Variants in ZBTB17 observed in about 807,000 individuals in gnomAD.
ZBTB17 encodes the protein zinc finger and BTB domain-containing protein 17.
ZBTB17 carries 24 observed loss-of-function variants against 85.1 expected under a neutral mutation model. The ratio of observed to expected loss-of-function variants is 0.28; its 90% confidence interval spans 0.20 to 0.40. The LOEUF (loss-of-function observed/expected upper bound fraction) is 0.40. Ranked by LOEUF, ZBTB17 falls within the 10% of genes least tolerant of loss-of-function variation. The pLI is 1.00. For synonymous variants in ZBTB17, 464 were observed against 460.2 expected, an observed-to-expected ratio of 1.01 and a Z score of -0.11; for missense variants, 743 against 1,105.1, an observed-to-expected ratio of 0.67 and a Z score of 4.65.
intron 2 of ZBTB17, among the ~76,000 whole-genome samples, chr1:15,960,189 G>C (rs541590533): frequency 6.6e-6 from 1 of 152,140 alleles, no homozygotes; most frequent in Non-Finnish European, 1.5e-5. Flanking sequence ...AAATCCAGCC[G>C]AAGCTAGTTA....
At chr1:15,944,240 T>G in intron 9 of ZBTB17, 60 bp downstream of exon 9, 5 of 1,541,878 alleles carry the variant, frequency 3.2e-6, no homozygotes, top group Middle Eastern at 1.7e-4. Flanking sequence ...CCACGTGGCA[T>G]GCATGCGGCT....
intron 2 of ZBTB17, among the ~76,000 whole-genome samples, chr1:15,950,994 A>G (rs2071813163): frequency 1.3e-5 from 2 of 152,158 alleles, no homozygotes; most frequent in South Asian, 4.1e-4. Context: ...ATAATAAAAT[A>G]GTAAAGGCCC....
intron 1 of ZBTB17, among the ~76,000 whole-genome samples, chr1:15,974,572 C>CTT (rs562752690): frequency 2.8e-5 from 4 of 144,948 alleles, no homozygotes; most frequent in African/African-American, 7.6e-5. Flanking sequence ...CTTGCTGCTG[C>CTT]TTTTTTTTTT....
At chr1:15,945,541 C>T (rs1025769581) in intron 6 of ZBTB17, among the ~76,000 whole-genome samples, 174 bp downstream of exon 6, 1 of 152,200 alleles carries the variant, frequency 6.6e-6, no homozygotes, top group Non-Finnish European at 1.5e-5. Flanking sequence ...AACCAAGGAA[C>T]GACCTCGAGA....
chr1:15,949,023 C>A (rs560120835), intron 2 of ZBTB17, among the ~76,000 whole-genome samples: 2 of 152,144 alleles, frequency 1.3e-5, no homozygotes, highest in Non-Finnish European at 2.9e-5. Flanking sequence ...TTGCAGAACT[C>A]GGCCCCTCTC....
At chr1:15,972,372 C>T (rs2072718916) in intron 2 of ZBTB17, among the ~76,000 whole-genome samples, 1 of 152,208 alleles carries the variant, frequency 6.6e-6, no homozygotes, top group Non-Finnish European at 1.5e-5. Flanking sequence ...GGGATCACAC[C>T]CCCAAGAGAG....
intron 2 of ZBTB17, among the ~76,000 whole-genome samples, chr1:15,957,690 A>G (rs1004691126): frequency 3.3e-5 from 5 of 152,172 alleles, no homozygotes; most frequent in African/African-American, 1.2e-4. Context: ...GAGAAGAGAC[A>G]GCAGTGGCCT....
At chr1:15,947,653 T>C (rs561886424) in intron 3 of ZBTB17, among the ~76,000 whole-genome samples, 49 of 152,268 alleles carry the variant, frequency 3.2e-4, no homozygotes, top group African/African-American at 1.2e-3. Flanking sequence ...CCACACCCTC[T>C]TATTTGGCCG....
chr1:15,962,745 C>T (rs960440863), intron 2 of ZBTB17, among the ~76,000 whole-genome samples: 2 of 152,198 alleles, frequency 1.3e-5, no homozygotes, highest in African/African-American at 4.8e-5. Context: ...AACAATCTCT[C>T]TTCCTTATAC....
chr1:15,965,037 C>A lies in ZBTB17; in HGVS notation c.-3+8002G>T, dbSNP rs183134531. On this transcript the variant is annotated intron_variant, in intron 2 of 15. Coordinates refer to ENST00000375743, the MANE Select transcript of ZBTB17 (RefSeq NM_003443.3). ...GCTGAGGCAGGAGAATCGCTTGAAC[C>A]TGGGAGGCGGAGTTTGCAGTGAGCT... Among the ~76,000 whole-genome samples, 490 of 151,726 alleles carry A rather than the reference C, an allele frequency of 3.2e-3. 2 individuals are homozygous for A. Among genetic ancestry groups the A allele is most frequent in the African/African-American group, 0.011 (446 of 41,354 alleles).
Position 15,942,041 on chromosome 1 carries a change from G to A in ZBTB17, c.2340C>T (p.Asp780=), listed in dbSNP as rs747799067. Residue 780 remains aspartate, a synonymous_variant, in exon 16 of 16, where the codon GAC becomes GAT. Transcript: ENST00000375743. The part of the protein sequence containing the change: ...QAGELVFRPR[D]GAEGQPALAE... ...CCAGTGCGGGCTGGCCCTCAGCCCC[G>A]TCGCGAGGGCGGAAGACCAGCTCCC... 3.4e-5 allele frequency: 55 copies of A among 1,611,208 alleles called. No individual in the cohort carries two copies. The highest frequency in any genetic ancestry group is 5.0e-5 in the Admixed American group (3 of 59,988).
chr1:15,962,834 G>C (rs965961267), intron 2 of ZBTB17, among the ~76,000 whole-genome samples: 1 of 152,180 alleles, frequency 6.6e-6, no homozygotes, highest in Non-Finnish European at 1.5e-5. Flanking sequence ...CCAGCTACTC[G>C]AAAGGCTGAA....
In ZBTB17 at chr1:15,946,123, C is replaced by CA. The variant is rs554317389; in HGVS notation, c.535+30dup. The CA allele has an allele frequency of 7.0e-5, 112 of 1,601,856 alleles. No homozygotes were observed. The South Asian group carries it at 1.2e-3, about 17-fold the overall frequency. ...CCCAGGCTGCTGGGAGGTGACAGGA[C>CA]AGCCGGCTGGGTCCTTGGCATCTGA... is the stretch of plus-strand genomic sequence containing the variant. On this transcript the variant is annotated intron_variant, in intron 5 of 15. Transcript: ENST00000375743.
At chr1:15,950,841 C>G (rs1216117495) in intron 2 of ZBTB17, among the ~76,000 whole-genome samples, 1 of 152,184 alleles carries the variant, frequency 6.6e-6, no homozygotes, top group African/African-American at 2.4e-5. Flanking sequence ...TGTGTGGGCC[C>G]AAGGCTGGGA....
At chr1:15,974,459 C>T (rs965823188) in intron 1 of ZBTB17, among the ~76,000 whole-genome samples, 1 of 151,246 alleles carries the variant, frequency 6.6e-6, no homozygotes, top group African/African-American at 2.4e-5. Flanking sequence ...ACAGAGTAAG[C>T]CACCGCACCT....
Position 15,964,920 on chromosome 1 carries a change from C to A in ZBTB17, c.-3+8119G>T, listed in dbSNP as rs2072386747. On this transcript the variant is annotated intron_variant, in intron 2 of 15. Coordinates refer to ENST00000375743, the MANE Select transcript of ZBTB17 (RefSeq NM_003443.3). The surrounding 1 kb of genome is among the most constrained non-coding windows in gnomAD (Gnocchi z 4.3). ...CATGAGGTCAGGAGTTCAAGACCAG[C>A]CTGGCCAAGATGCTGAAACCCCGTC... is the stretch of plus-strand genomic sequence containing the variant. Among the ~76,000 whole-genome samples, 1 of 151,924 alleles carries A rather than the reference C, an allele frequency of 6.6e-6. No homozygotes were observed. Among genetic ancestry groups the A allele is most frequent in the South Asian group, 2.1e-4 (1 of 4,820 alleles).
intron 2 of ZBTB17, among the ~76,000 whole-genome samples, chr1:15,957,902 C>T (rs1016215577): frequency 1.3e-5 from 2 of 152,040 alleles, no homozygotes; most frequent in Non-Finnish European, 2.9e-5. Context: ...GAGGAGACTC[C>T]GTGGGGGGAA....
chr1:15,956,979 G>C (rs547448336), intron 2 of ZBTB17, among the ~76,000 whole-genome samples: 1 of 152,186 alleles, frequency 6.6e-6, no homozygotes, highest in South Asian at 2.1e-4. Flanking sequence ...AGGAGTTCAA[G>C]ACCAGCCTGG....
At chr1:15,963,574 A>G (rs979317488) in intron 2 of ZBTB17, among the ~76,000 whole-genome samples, 1 of 152,172 alleles carries the variant, frequency 6.6e-6, no homozygotes, top group African/African-American at 2.4e-5. Flanking sequence ...GAAACTGCCT[A>G]TATCAAATCT....
Sources: gnomAD v4.1 joint callset for allele counts (sites outside exome capture counted in the v4.1 genomes callset) on GRCh38, gnomAD v4.1.1 for gene constraint, Gnocchi (gnomAD v3.1) non-coding constraint, MANE v1.5 for transcripts, NCBI Gene and HGNC (gene_info 2026-07-23, HGNC 2026-07-21) for gene names.